Variants in PRP4K observed in about 807,000 individuals in gnomAD.
PRP4K encodes pre-mRNA processing factor kinase PRP4K, also known as serine/threonine-protein kinase PRP4 homolog.
At chr6:4,056,210 C>G in the PRP4K span, 5 of 697,572 alleles carry the variant, frequency 7.2e-6, no homozygotes, top group South Asian at 2.0e-5. Flanking sequence ...AAATGAATGT[C>G]TTTGTTCTCA....
the PRP4K span, chr6:4,043,784 A>T: frequency 6.3e-7 from 1 of 1,598,188 alleles, no homozygotes; most frequent in South Asian, 1.1e-5. Context: ...AATTTTATGA[A>T]AGTATTATCT....
chr6:4,038,121 T>C, the PRP4K span, among the ~76,000 whole-genome samples: 140,023 of 152,050 alleles, frequency 0.92, 64,545 homozygotes, highest in Middle Eastern at 0.94. Flanking sequence ...GGTATTTGTT[T>C]GCCAATCTTT....
At chr6:4,041,987 A>C in the PRP4K span, among the ~76,000 whole-genome samples, 12 of 152,270 alleles carry the variant, frequency 7.9e-5, no homozygotes, top group East Asian at 1.9e-3. Context: ...GTTAGTGCGG[A>C]GGGTTGGGGG....
chr6:4,052,699 T>A, the PRP4K span: 1 of 1,510,678 alleles, frequency 6.6e-7, no homozygotes, highest in East Asian at 2.3e-5. Flanking sequence ...TTGTTTTCTT[T>A]TTTTAATTTT....
chr6:4,055,437 A>G, the PRP4K span, among the ~76,000 whole-genome samples: 3 of 152,234 alleles, frequency 2.0e-5, no homozygotes, highest in African/African-American at 7.2e-5. Flanking sequence ...ATCATTTATA[A>G]TAGTCCAGTC....
the PRP4K span, among the ~76,000 whole-genome samples, chr6:4,055,565 T>A: frequency 3.9e-5 from 6 of 152,182 alleles, no homozygotes; most frequent in Non-Finnish European, 8.8e-5. Context: ...GGGAAGGGAC[T>A]CTGGAATATG....
the PRP4K span, among the ~76,000 whole-genome samples, chr6:4,036,185 T>C: frequency 2.6e-5 from 4 of 152,136 alleles, no homozygotes; most frequent in Non-Finnish European, 5.9e-5. Flanking sequence ...TGAAAGGTAC[T>C]TGTGTGATAA....
At chr6:4,028,064 G>A in the PRP4K span, among the ~76,000 whole-genome samples, 1 of 152,136 alleles carries the variant, frequency 6.6e-6, no homozygotes, top group Non-Finnish European at 1.5e-5. Context: ...TTATGGGATG[G>A]GAGATTTCTG....
chr6:4,047,051 G>C, the PRP4K span: 1 of 742,124 alleles, frequency 1.3e-6, no homozygotes, highest in Non-Finnish European at 2.4e-6. Context: ...ATTGAATACT[G>C]TTGGGAAACT....
chr6:4,058,883 G>A, the PRP4K span: 15 of 1,240,510 alleles, frequency 1.2e-5, no homozygotes, highest in East Asian at 3.5e-4. Flanking sequence ...ATACGAGCTG[G>A]TGAATTAAAA....
the PRP4K span, among the ~76,000 whole-genome samples, chr6:4,022,017 T>A: frequency 3.9e-5 from 6 of 152,184 alleles, no homozygotes; most frequent in Non-Finnish European, 8.8e-5. Flanking sequence ...GGATACTTGA[T>A]CTCGTCACCT....
chr6:4,037,540 C>T, the PRP4K span: 2 of 1,613,800 alleles, frequency 1.2e-6, no homozygotes, highest in Admixed American at 3.3e-5. Flanking sequence ...AGCAGGTCTC[C>T]AAGAAGAAGA....
chr6:4,063,940 T>C, the PRP4K span: 1 of 152,150 alleles, frequency 6.6e-6, no homozygotes, highest in African/African-American at 2.4e-5. Flanking sequence ...CATAGAAGTG[T>C]TAGGTACGGC....
At chr6:4,039,638 C>T in the PRP4K span, among the ~76,000 whole-genome samples, 1 of 152,274 alleles carries the variant, frequency 6.6e-6, no homozygotes, top group African/African-American at 2.4e-5. Context: ...TCTCCAATTC[C>T]TGAGGCTTTC....
At chr6:4,036,611 C>T in the PRP4K span, among the ~76,000 whole-genome samples, 1 of 152,054 alleles carries the variant, frequency 6.6e-6, no homozygotes. Flanking sequence ...ACCTCATGGG[C>T]TCAGGCGGTC....
At chr6:4,048,893 A>G in the PRP4K span, 8 of 593,474 alleles carry the variant, frequency 1.3e-5, no homozygotes, top group Middle Eastern at 4.4e-4. Context: ...GTAAGAATTT[A>G]TTTAATTTGG....
At chr6:4,044,418 G>A in the PRP4K span, among the ~76,000 whole-genome samples, 1 of 152,090 alleles carries the variant, frequency 6.6e-6, no homozygotes, top group Non-Finnish European at 1.5e-5. Context: ...GTATAGGAAA[G>A]GCAGGGTAAA....
chr6:4,055,224 G>C, the PRP4K span, among the ~76,000 whole-genome samples: 1 of 152,180 alleles, frequency 6.6e-6, no homozygotes, highest in East Asian at 1.9e-4. Flanking sequence ...TCCACTGATG[G>C]ATTCTAATTT....
chr6:4,040,777 G>A, the PRP4K span: 4 of 1,613,268 alleles, frequency 2.5e-6, no homozygotes, highest in Non-Finnish European at 3.4e-6. Flanking sequence ...AATAGGGACA[G>A]AGGTCGGAGG....
Sources: gnomAD v4.1 joint callset for allele counts (sites outside exome capture counted in the v4.1 genomes callset) on GRCh38, gnomAD v4.1.1 for gene constraint, MANE v1.5 for transcripts, NCBI Gene and HGNC (gene_info 2026-07-23, HGNC 2026-07-21) for gene names.